FAM135A: variants seen among roughly 807,000 people sequenced by gnomAD.
The protein encoded by FAM135A is family with sequence similarity 135 member A, also known as protein FAM135A.
Under a neutral mutation model 146.8 loss-of-function variants are expected in FAM135A, and 79 were observed. The ratio of observed to expected loss-of-function variants is 0.54; its 90% CI spans 0.45 to 0.65. The LOEUF (loss-of-function observed/expected upper bound fraction) is 0.65, where lower values mean the gene tolerates loss of function less well. FAM135A is among the 30% of genes least tolerant of loss of function. FAM135A has a pLI of 0.00. For synonymous variants in FAM135A, 562 were observed against 603.6 expected, an observed-to-expected ratio of 0.93 and a Z score of 1.01; for missense variants, 1,623 against 1,758.2, an observed-to-expected ratio of 0.92 and a Z score of 1.38.
chr6:70,454,086 A>G (rs1323101319), intron 5 of FAM135A, among the ~76,000 whole-genome samples: 1 of 152,132 alleles, frequency 6.6e-6, no homozygotes, highest in East Asian at 1.9e-4. Flanking sequence ...TTGTTCCCTG[A>G]CTTTTTAATG....
chr6:70,538,830 A>ATTATATTATATTATATTATG (rs1797283532), intron 20 of FAM135A, among the ~76,000 whole-genome samples: 1 of 146,050 alleles, frequency 6.8e-6, no homozygotes, highest in African/African-American at 2.5e-5. Context: ...ATTATATTAT[A>ATTATATTATATTATATTATG]TTATATTATA....
chr6:70,486,630 A>G lies in FAM135A; in HGVS notation c.824-4404A>G, dbSNP rs189216388. 2.9e-3 allele frequency among the ~76,000 whole-genome samples: 445 copies of G among 152,238 alleles called. 22 individuals are homozygous for G. The highest frequency in any genetic ancestry group is 0.026 in the Admixed American group (391 of 15,286). On this transcript the variant is annotated intron_variant, in intron 10 of 21. Transcript: ENST00000418814. The stretch of plus-strand genomic sequence containing the variant: ...CTAGGCCTAGTGATAATGAAATGTG[A>G]TTTTAAAACTAAACCAGGCCGGGTG...
At chr6:70,455,381 TACACACACACACAC>T (rs34915267) in intron 5 of FAM135A, among the ~76,000 whole-genome samples, 3 of 146,058 alleles carry the variant, frequency 2.1e-5, no homozygotes, top group African/African-American at 5.0e-5. Flanking sequence ...TTATGACAAA[TACACACACACACAC>T]ACACACACAC....
intron 12 of FAM135A, chr6:70,504,497 C>T (rs1054092415): frequency 7.2e-5 from 11 of 152,044 alleles, no homozygotes; most frequent in Non-Finnish European, 1.2e-4. Context: ...TGGACATAGC[C>T]ATTTTTGGAC....
intron 5 of FAM135A, among the ~76,000 whole-genome samples, chr6:70,452,882 A>G (rs1312526802): frequency 6.6e-6 from 1 of 152,224 alleles, no homozygotes; most frequent in Non-Finnish European, 1.5e-5. Context: ...GGAACATATA[A>G]TTTGACTTAT....
chr6:70,555,142 A>G (rs568631843), intron 20 of FAM135A, among the ~76,000 whole-genome samples: 46 of 152,174 alleles, frequency 3.0e-4, no homozygotes, highest in Non-Finnish European at 5.4e-4. Flanking sequence ...AGGGCCATAT[A>G]CCTTAATAAG....
chr6:70,500,621 T>C (rs1788275014), intron 11 of FAM135A, among the ~76,000 whole-genome samples: 2 of 152,242 alleles, frequency 1.3e-5, no homozygotes, highest in Admixed American at 1.3e-4. Flanking sequence ...TGGATTTATC[T>C]ACCTTTAATC....
chr6:70,553,695 T>TA (rs1554172535), intron 20 of FAM135A, among the ~76,000 whole-genome samples: 1 of 117,230 alleles, frequency 8.5e-6, no homozygotes, highest in East Asian at 2.0e-4. Flanking sequence ...ATCTTTTTTT[T>TA]AAAAAGAAGC....
intron 5 of FAM135A, among the ~76,000 whole-genome samples, chr6:70,452,817 G>A (rs912618444): frequency 6.6e-6 from 1 of 152,094 alleles, no homozygotes; most frequent in East Asian, 1.9e-4. Context: ...ACAAATGTAG[G>A]ATTGGTATCC....
intron 12 of FAM135A, chr6:70,504,553 T>C (rs962070183): frequency 1.8e-4 from 28 of 152,310 alleles, no homozygotes; most frequent in African/African-American, 6.5e-4. Flanking sequence ...TTTCAATAAA[T>C]GATGTTTGAG....
At chr6:70,489,418 T>A (rs539940079) in intron 10 of FAM135A, among the ~76,000 whole-genome samples, 1 of 152,322 alleles carries the variant, frequency 6.6e-6, no homozygotes, top group Non-Finnish European at 1.5e-5. Context: ...ATTTTGTGAG[T>A]TATGAAATAC....
At chr6:70,425,905 C>T (rs942230134) in intron 2 of FAM135A, among the ~76,000 whole-genome samples, 1 of 151,906 alleles carries the variant, frequency 6.6e-6, no homozygotes, top group African/African-American at 2.4e-5. Context: ...AGATCGAGAC[C>T]ATCCTGGCTA....
chr6:70,502,959 A>G (rs755875257), intron 12 of FAM135A, 168 bp downstream of exon 12: 15 of 672,872 alleles, frequency 2.2e-5, no homozygotes, highest in Non-Finnish European at 3.5e-5. Context: ...GAATAGAACA[A>G]TACAGTTAAG....
rs79296759 is a variant in FAM135A, at chr6:70,553,193, T to C, written c.4229-3557T>C. 2.9e-3 allele frequency among the ~76,000 whole-genome samples: 447 copies of C among 152,334 alleles called. 10 individuals carry two copies. The East Asian group carries it at 0.042, about 14-fold the overall frequency. On this transcript the variant is annotated intron_variant, in intron 20 of 21. Transcript: ENST00000418814. ...GAGACCAGCCTGGGGACTTCAGCCA[T>C]GCCCAGTCATCTGAGAAAGCTAACC...
chr6:70,533,331 C>A, intron 17 of FAM135A, 80 bp downstream of exon 17: 1 of 886,880 alleles, frequency 1.1e-6, no homozygotes. Context: ...CTACAAAATG[C>A]CTGTAATAGT....
chr6:70,446,882 T>C (rs541787139), intron 4 of FAM135A, among the ~76,000 whole-genome samples: 55 of 152,350 alleles, frequency 3.6e-4, no homozygotes, highest in African/African-American at 1.2e-3. Flanking sequence ...TATGTTGACT[T>C]TGAGGGCTAT....
At chr6:70,534,273 T>C (rs1035411426) in intron 18 of FAM135A, among the ~76,000 whole-genome samples, 1 of 113,394 alleles carries the variant, frequency 8.8e-6, no homozygotes, top group South Asian at 2.5e-4. Flanking sequence ...ATATGATATA[T>C]GTATATGAAG....
chr6:70,452,044 C>A (rs1019020001), intron 4 of FAM135A, among the ~76,000 whole-genome samples: 1 of 150,862 alleles, frequency 6.6e-6, no homozygotes, highest in Non-Finnish European at 1.5e-5. Flanking sequence ...AAAAACAATT[C>A]TTTAAACCAA....
intron 4 of FAM135A, among the ~76,000 whole-genome samples, chr6:70,429,291 T>C (rs1328047949): frequency 1.3e-5 from 2 of 152,094 alleles, no homozygotes; most frequent in African/African-American, 4.8e-5. Context: ...GGCGGGCAGA[T>C]CACCAGAGGT....
Sources: gnomAD v4.1 joint callset for allele counts (sites outside exome capture counted in the v4.1 genomes callset) on GRCh38, gnomAD v4.1.1 for gene constraint, MANE v1.5 for transcripts, NCBI Gene and HGNC (gene_info 2026-07-23, HGNC 2026-07-21) for gene names.